The following ZMAT4 variants were observed in gnomAD, a reference collection of about 807,000 sequenced individuals.
ZMAT4 encodes zinc finger matrin-type protein 4.
Under a neutral mutation model 28.7 loss-of-function variants are expected in ZMAT4, and 17 were observed. That is an observed-to-expected ratio of 0.59 (90% CI 0.41 to 0.89). The LOEUF (loss-of-function observed/expected upper bound fraction) is 0.89. Ranked by LOEUF, ZMAT4 falls within the 40% of genes least tolerant of loss-of-function variation. The pLI, the probability that ZMAT4 is intolerant of heterozygous loss-of-function variation, is 0.00. For missense variants in ZMAT4, 240 were observed against 283.8 expected, an observed-to-expected ratio of 0.85 and a Z score of 1.11; for synonymous variants, 117 against 109.2, an observed-to-expected ratio of 1.07 and a Z score of -0.44.
chr8:40,826,816 G>A (rs959558794), intron 1 of ZMAT4, among the ~76,000 whole-genome samples: 5 of 152,096 alleles, frequency 3.3e-5, no homozygotes, highest in Admixed American at 1.3e-4. Context: ...TTCTGAAAGC[G>A]ATCTGTCGGA....
At chr8:40,582,999 C>A (rs187840005) in intron 5 of ZMAT4, among the ~76,000 whole-genome samples, 1 of 152,238 alleles carries the variant, frequency 6.6e-6, no homozygotes, top group Non-Finnish European at 1.5e-5. Flanking sequence ...CCCGTGCTGA[C>A]CACTCACCAC....
At chr8:40,815,109 T>C in intron 2 of ZMAT4, among the ~76,000 whole-genome samples, 1 of 152,066 alleles carries the variant, frequency 6.6e-6, no homozygotes, top group East Asian at 1.9e-4. Context: ...ACCCTGTCGC[T>C]ATTAAAAATA....
chr8:40,702,435 C>A (rs768565485), intron 3 of ZMAT4, among the ~76,000 whole-genome samples: 1 of 152,134 alleles, frequency 6.6e-6, no homozygotes, highest in Non-Finnish European at 1.5e-5. Flanking sequence ...TTAAATGCAA[C>A]GTCCACATTG....
At chr8:40,646,944 T>C (rs1032912326) in intron 5 of ZMAT4, among the ~76,000 whole-genome samples, 4 of 152,234 alleles carry the variant, frequency 2.6e-5, no homozygotes, top group African/African-American at 7.2e-5. Flanking sequence ...ACAAATCATA[T>C]GTTTGGCCAT....
At chr8:40,852,139 G>A (rs1817132741) in intron 1 of ZMAT4, among the ~76,000 whole-genome samples, 1 of 152,018 alleles carries the variant, frequency 6.6e-6, no homozygotes, top group South Asian at 2.1e-4. Flanking sequence ...ACTTGCCTTG[G>A]CCTCCCAAAA....
At chr8:40,579,358 G>A (rs1176962306) in intron 6 of ZMAT4, among the ~76,000 whole-genome samples, 1 of 152,150 alleles carries the variant, frequency 6.6e-6, no homozygotes, top group African/African-American at 2.4e-5. Flanking sequence ...ATTCAAATGT[G>A]TATGGTGCCT....
In ZMAT4 at chr8:40,825,485, A is replaced by G. The variant is rs1417003507; in HGVS notation, c.102+90T>C. 5 of 1,114,914 alleles carry G rather than the reference A, an allele frequency of 4.5e-6. No individual in the cohort carries two copies. In the African/African-American group the frequency reaches 7.7e-5, roughly 17 times the overall value. The allele number at this position is 1,114,914 out of a possible 1,614,324, so 69.1% of individuals were successfully genotyped here. On this transcript the variant is annotated intron_variant, in intron 2 of 6. Coordinates refer to ENST00000297737, the MANE Select transcript of ZMAT4 (RefSeq NM_024645.3). ...CCTGTGGTTCTTCAAATGTGCCCCAAGTCCAGAAGGAGGATCCTGGAGTCC... is the reference window on the plus strand; with the variant it reads ...CCTGTGGTTCTTCAAATGTGCCCCAGGTCCAGAAGGAGGATCCTGGAGTCC...
At chr8:40,862,328 C>A (rs575294693) in intron 1 of ZMAT4, among the ~76,000 whole-genome samples, 2 of 148,176 alleles carry the variant, frequency 1.3e-5, no homozygotes, top group African/African-American at 2.5e-5. Context: ...GGACAAAAAA[C>A]CAAACACCGC....
chr8:40,890,574 C>T (rs1163993828), intron 1 of ZMAT4, among the ~76,000 whole-genome samples: 1 of 152,112 alleles, frequency 6.6e-6, no homozygotes, highest in African/African-American at 2.4e-5. Context: ...CTGGCCTCTC[C>T]CCTTTGCGCC....
chr8:40,816,306 C>A (rs1411583192), intron 2 of ZMAT4, among the ~76,000 whole-genome samples: 2 of 152,182 alleles, frequency 1.3e-5, no homozygotes, highest in Non-Finnish European at 2.9e-5. Flanking sequence ...ACGTCAGAAG[C>A]CTCTGCCAGC....
At chr8:40,828,185 T>C (rs1400995622) in intron 1 of ZMAT4, among the ~76,000 whole-genome samples, 1 of 152,182 alleles carries the variant, frequency 6.6e-6, no homozygotes, top group Non-Finnish European at 1.5e-5. Context: ...AGAATGTAAA[T>C]GAAGAAAAGA....
chr8:40,640,731 T>C (rs1380100726), intron 5 of ZMAT4, among the ~76,000 whole-genome samples: 1 of 151,492 alleles, frequency 6.6e-6, no homozygotes, highest in African/African-American at 2.4e-5. Context: ...GAGGTCGAGG[T>C]GGTGGATCAC....
intron 4 of ZMAT4, among the ~76,000 whole-genome samples, chr8:40,681,925 G>T (rs1809183145): frequency 6.6e-6 from 1 of 151,788 alleles, no homozygotes; most frequent in South Asian, 2.1e-4. Context: ...GAGACCTGGG[G>T]ACATGTTCAG....
intron 4 of ZMAT4, among the ~76,000 whole-genome samples, chr8:40,678,901 C>A (rs1394227275): frequency 1.3e-5 from 2 of 152,166 alleles, no homozygotes; most frequent in Non-Finnish European, 2.9e-5. Flanking sequence ...TTATTAATAT[C>A]TTTGGTCATG....
chr8:40,846,287 A>T (rs781490801), intron 1 of ZMAT4, among the ~76,000 whole-genome samples: 10 of 152,008 alleles, frequency 6.6e-5, no homozygotes, highest in Non-Finnish European at 1.3e-4. Context: ...GGCCCCTATC[A>T]TCCCACTCAA....
chr8:40,602,675 G>A (rs1408971717), intron 5 of ZMAT4, among the ~76,000 whole-genome samples: 1 of 152,034 alleles, frequency 6.6e-6, no homozygotes, highest in Non-Finnish European at 1.5e-5. Context: ...GTCTTCTTTT[G>A]AGAATTGTCT....
At chr8:40,875,900 C>A (rs1387399210) in intron 1 of ZMAT4, among the ~76,000 whole-genome samples, 1 of 152,144 alleles carries the variant, frequency 6.6e-6, no homozygotes, top group Non-Finnish European at 1.5e-5. Flanking sequence ...GGGAGGCCAA[C>A]AAGTGATGTG....
intron 6 of ZMAT4, among the ~76,000 whole-genome samples, chr8:40,576,927 C>G (rs1321008111): frequency 6.6e-6 from 1 of 152,138 alleles, no homozygotes; most frequent in African/African-American, 2.4e-5. Context: ...GGTGTGGTGG[C>G]TCACACCTGT....
chr8:40,782,445 A>G (rs1030038413), intron 2 of ZMAT4, among the ~76,000 whole-genome samples: 2 of 152,158 alleles, frequency 1.3e-5, no homozygotes, highest in Admixed American at 6.6e-5. Context: ...TGAAAAGACA[A>G]CACACAGAAT....
Sources: gnomAD v4.1 joint callset for allele counts (sites outside exome capture counted in the v4.1 genomes callset) on GRCh38, gnomAD v4.1.1 for gene constraint, MANE v1.5 for transcripts, NCBI Gene and HGNC (gene_info 2026-07-23, HGNC 2026-07-21) for gene names.